Variants in CLCN5 observed in about 807,000 individuals in gnomAD.
CLCN5 encodes Cl-/H+ antiporter 5.
In CLCN5, 17 loss-of-function variants were observed where a neutral mutation model predicts 54.0. The observed-to-expected ratio is 0.31, with a 90% CI of 0.22 to 0.47. The LOEUF (loss-of-function observed/expected upper bound fraction) is 0.47, where lower values mean the gene tolerates loss of function less well. CLCN5 is among the 20% of genes least tolerant of loss of function. The probability of loss-of-function intolerance (pLI) is 1.00; values close to 1 mark genes in which losing one functional copy is unlikely to be tolerated. For synonymous variants in CLCN5, 222 were observed against 233.0 expected (o/e 0.95, Z 0.43); for missense variants, 448 against 646.7 (o/e 0.69, Z 3.33).
At chrX:49,941,920 CTTTTTT>C (rs782574821) in intron 3 of CLCN5, among the ~76,000 whole-genome samples, 4 of 60,568 alleles carry the variant, frequency 6.6e-5, no homozygotes, top group Admixed American at 1.9e-4. Context: ...CAATCAGTAT[CTTTTTT>C]TTTTTTTTTT....
At chrX:49,923,125 C>A (rs1224061544) in intron 1 of CLCN5, among the ~76,000 whole-genome samples, 2 of 113,300 alleles carry the variant, frequency 1.8e-5, no homozygotes, top group African/African-American at 3.2e-5. Flanking sequence ...TAGCCGCCTG[C>A]GTCCCCTTTC....
intron 4 of CLCN5, chrX:50,050,454 A>G (rs1932539837): frequency 9.0e-6 from 1 of 110,958 alleles, no homozygotes. Context: ...GCATTTCTCT[A>G]ATGACAAATG....
intron 3 of CLCN5, among the ~76,000 whole-genome samples, chrX:49,997,220 C>T (rs1929566703): frequency 8.9e-6 from 1 of 111,900 alleles, no homozygotes; most frequent in Admixed American, 9.5e-5. Flanking sequence ...ACAGCAATCA[C>T]ATTATTCCTA....
chrX:50,052,455 A>G (rs1932615787), intron 4 of CLCN5, among the ~76,000 whole-genome samples: 1 of 111,856 alleles, frequency 8.9e-6, no homozygotes, highest in African/African-American at 3.2e-5. Context: ...ATATTTTAAA[A>G]GGATTTTTAC....
chrX:50,034,171 T>C (rs1255778951), intron 3 of CLCN5, among the ~76,000 whole-genome samples: 1 of 112,094 alleles, frequency 8.9e-6, no homozygotes, highest in African/African-American at 3.2e-5. Context: ...AAACTGGAAA[T>C]GGAGTATAAG....
chrX:50,077,619 A>T (rs868917546), intron 7 of CLCN5, among the ~76,000 whole-genome samples: 4,487 of 88,058 alleles, frequency 0.051, 406 homozygotes, highest in African/African-American at 0.2. Flanking sequence ...AGAGAGAGAG[A>T]GAGTGTGTGT....
At chrX:50,089,383 CAT>C (rs1246288966) in intron 12 of CLCN5, among the ~76,000 whole-genome samples, 1 of 112,048 alleles carries the variant, frequency 8.9e-6, no homozygotes, top group African/African-American at 3.2e-5. Context: ...GAAAATTAAA[CAT>C]ATAATGTGAG....
rs1234577943 is a variant in CLCN5, at chrX:50,094,157, G to A, written c.*1938G>A. On this transcript the variant is annotated 3_prime_UTR_variant, in exon 15 of 15. Coordinates refer to ENST00000376091, the MANE Select transcript of CLCN5 (RefSeq NM_001127898.4). ...TCTTTTTTTTGCTCAGAACTGGGTAGCCAAGGGTTATTTTATTTTTATCTT... is the reference window on the plus strand; with the variant it reads ...TCTTTTTTTTGCTCAGAACTGGGTAACCAAGGGTTATTTTATTTTTATCTT... 8.9e-6 allele frequency: 1 copy of A among 111,879 alleles called. No homozygotes were observed. The highest frequency in any genetic ancestry group is 1.9e-5 in the Non-Finnish European group (1 of 53,198). The allele number at this position is 111,879 out of a possible 1,213,427, so 9.2% of individuals were successfully genotyped here. A position where few individuals can be genotyped will look rare whatever the true frequency, so the allele number is the denominator to read the frequency against.
chrX:50,077,594 A>AAG (rs371525683), intron 7 of CLCN5, among the ~76,000 whole-genome samples: 388 of 68,718 alleles, frequency 5.6e-3, no homozygotes, highest in East Asian at 0.023. Context: ...GTGGGTGTGA[A>AAG]AGAGAGAGAG....
intron 7 of CLCN5, among the ~76,000 whole-genome samples, chrX:50,080,227 G>C (rs963400679): frequency 1.8e-5 from 2 of 111,231 alleles, no homozygotes; most frequent in African/African-American, 3.3e-5. Flanking sequence ...AAAAAGCTGG[G>C]GGGGTGCTCT....
chrX:50,027,375 C>T (rs1931463058), intron 3 of CLCN5, among the ~76,000 whole-genome samples: 1 of 111,829 alleles, frequency 8.9e-6, no homozygotes, highest in Non-Finnish European at 1.9e-5. Flanking sequence ...TGTAATTGTT[C>T]CACAGTCCTT....
chrX:49,961,335 TGATA>T (rs1927586545), intron 3 of CLCN5, among the ~76,000 whole-genome samples: 1 of 112,306 alleles, frequency 8.9e-6, no homozygotes, highest in Non-Finnish European at 1.9e-5. Flanking sequence ...ACATACACTG[TGATA>T]GATATTTAAA....
intron 3 of CLCN5, among the ~76,000 whole-genome samples, chrX:49,997,686 C>T (rs1304393176): frequency 9.2e-6 from 1 of 108,307 alleles, no homozygotes; most frequent in Non-Finnish European, 1.9e-5. Flanking sequence ...CTACTATGCC[C>T]GGCCTTTTTT....
chrX:50,077,812 C>CA lies in CLCN5; in HGVS notation c.603+1867dup, dbSNP rs35768604. 3.3e-3 allele frequency among the ~76,000 whole-genome samples: 74 copies of CA among 22,340 alleles called. 22 individuals carry two copies. Among genetic ancestry groups the CA allele is most frequent in the African/African-American group, 4.4e-3 (18 of 4,062 alleles). 19.4% of individuals were successfully genotyped at this position (22,340 alleles called of 115,157 possible). On this transcript the variant is annotated intron_variant, in intron 7 of 14. Coordinates refer to ENST00000376091, the MANE Select transcript of CLCN5 (RefSeq NM_001127898.4). Reference sequence around the variant, plus strand: ...CCAACATGGTGAAACCCTGTCTCTACAAAAAAAAAAAAAAAAAAAAAAAAA... The same window carrying CA: ...CCAACATGGTGAAACCCTGTCTCTACAAAAAAAAAAAAAAAAAAAAAAAAAA...
At chrX:49,952,312 A>G (rs985593393) in intron 3 of CLCN5, among the ~76,000 whole-genome samples, 1 of 110,287 alleles carries the variant, frequency 9.1e-6, no homozygotes, top group Non-Finnish European at 1.9e-5. Context: ...CCTTTCAGCT[A>G]CCAATTACTT....
chrX:50,016,566 A>G (rs1353558288), intron 3 of CLCN5, among the ~76,000 whole-genome samples: 2 of 109,507 alleles, frequency 1.8e-5, no homozygotes, highest in Non-Finnish European at 3.8e-5. Flanking sequence ...TTATTAAATA[A>G]TAGTTTAAAT....
intron 3 of CLCN5, among the ~76,000 whole-genome samples, chrX:49,958,525 AT>A (rs1397622738): frequency 2.7e-5 from 3 of 111,625 alleles, no homozygotes; most frequent in African/African-American, 9.8e-5. Flanking sequence ...TTATAAACTG[AT>A]TTTTTTCCCA....
intron 3 of CLCN5, among the ~76,000 whole-genome samples, chrX:49,990,948 C>T (rs1929228474): frequency 8.9e-6 from 1 of 112,297 alleles, no homozygotes; most frequent in Non-Finnish European, 1.9e-5. Context: ...TTTCTTTATC[C>T]ACTTGTTGAT....
chrX:50,071,022 C>T (rs954070308), intron 5 of CLCN5, among the ~76,000 whole-genome samples: 1 of 110,168 alleles, frequency 9.1e-6, no homozygotes, highest in Non-Finnish European at 1.9e-5. Flanking sequence ...ACTATTTCTG[C>T]TTGGACTCCA....
Sources: gnomAD v4.1 joint callset for allele counts (sites outside exome capture counted in the v4.1 genomes callset) on GRCh38, gnomAD v4.1.1 for gene constraint, MANE v1.5 for transcripts, NCBI Gene and HGNC (gene_info 2026-07-23, HGNC 2026-07-21) for gene names.